The following MICAL2 variants were observed in gnomAD, a reference collection of about 807,000 sequenced individuals.
MICAL2 encodes microtubule associated monooxygenase, calponin and LIM domain containing 2.
MICAL2 carries 77 observed loss-of-function variants against 127.3 expected under a neutral mutation model. The ratio of observed to expected loss-of-function variants is 0.60; its 90% CI spans 0.50 to 0.73. The LOEUF (loss-of-function observed/expected upper bound fraction) is 0.73, where lower values mean the gene tolerates loss of function less well. Ranked by LOEUF, MICAL2 falls within the 30% of genes least tolerant of loss-of-function variation. MICAL2 has a pLI of 0.00. For synonymous variants in MICAL2, 570 were observed against 551.1 expected (o/e 1.03, Z -0.48); for missense variants, 1,351 against 1,434.4 (o/e 0.94, Z 0.94).
chr11:12,265,158 G>A (rs113813390), downstream of MICAL2, among the ~76,000 whole-genome samples: 7 of 152,260 alleles, frequency 4.6e-5, no homozygotes, highest in South Asian at 4.1e-4. Context: ...GTCCTCCCCC[G>A]TCCTGGAGAC....
chr11:12,256,996 C>T (rs763772673), intron 24 of MICAL2, 25 bp downstream of exon 24: 3 of 1,596,646 alleles, frequency 1.9e-6, no homozygotes, highest in Non-Finnish European at 8.5e-7. Context: ...CAGGGCAGCA[C>T]TGGGCTCTGG....
At chr11:12,112,784 A>G (rs1033297979) in intron 1 of MICAL2, among the ~76,000 whole-genome samples, 1 of 152,162 alleles carries the variant, frequency 6.6e-6, no homozygotes, top group Non-Finnish European at 1.5e-5. Flanking sequence ...ATACCAATCC[A>G]TTATACTTTA....
chr11:12,135,972 A>G (rs1441040079), intron 1 of MICAL2, among the ~76,000 whole-genome samples: 1 of 152,114 alleles, frequency 6.6e-6, no homozygotes, highest in Non-Finnish European at 1.5e-5. Context: ...TCTTCATTCA[A>G]CAAATATTTA....
At chr11:12,181,105 G>A (rs1857426535) in intron 3 of MICAL2, among the ~76,000 whole-genome samples, 1 of 151,782 alleles carries the variant, frequency 6.6e-6, no homozygotes, top group South Asian at 2.1e-4. Flanking sequence ...CACCATGCCT[G>A]GATAATTTTT....
chr11:12,165,339 A>C (rs1565076719), intron 3 of MICAL2, among the ~76,000 whole-genome samples: 1 of 151,980 alleles, frequency 6.6e-6, no homozygotes, highest in East Asian at 1.9e-4. Context: ...AACACAGAAC[A>C]GGGGTCCTCA....
intron 3 of MICAL2, among the ~76,000 whole-genome samples, chr11:12,170,284 T>C (rs538972432): frequency 6.6e-6 from 1 of 152,064 alleles, no homozygotes; most frequent in South Asian, 2.1e-4. Context: ...ACCCCGTCTA[T>C]ACAAAAAATA....
chr11:12,212,129 C>G (rs541766877), intron 6 of MICAL2, among the ~76,000 whole-genome samples: 4 of 152,158 alleles, frequency 2.6e-5, no homozygotes, highest in Admixed American at 2.6e-4. Flanking sequence ...TCAGGTGCAT[C>G]AGCCATACAG....
intron 26 of MICAL2, chr11:12,260,875 C>G (rs916419466): frequency 1.9e-5 from 19 of 985,330 alleles, no homozygotes; most frequent in Non-Finnish European, 2.2e-5. Context: ...GACAAAGAAC[C>G]GTGGGGTTTC....
chr11:12,178,782 C>T (rs936840510), intron 3 of MICAL2, among the ~76,000 whole-genome samples: 6 of 151,060 alleles, frequency 4.0e-5, no homozygotes, highest in African/African-American at 1.5e-4. Flanking sequence ...AGTGCAGTGG[C>T]ATGATCACAG....
intron 1 of MICAL2, among the ~76,000 whole-genome samples, chr11:12,114,255 C>T (rs1849823678): frequency 6.6e-6 from 1 of 152,168 alleles, no homozygotes; most frequent in South Asian, 2.1e-4. Flanking sequence ...GTCATTTGGC[C>T]TCTATATAAT....
rs1487684589 is a variant in MICAL2, at chr11:12,175,279, C to T, written c.264+12860C>T. 4.6e-5 allele frequency among the ~76,000 whole-genome samples: 7 copies of T among 152,184 alleles called. 1 individual carries two copies. Among genetic ancestry groups the T allele is most frequent in the Non-Finnish European group, 4.4e-5 (3 of 68,008 alleles). ...TCACCTGAGGTCAGAAGTTCGAGAC[C>T]AGCCTGGCCAACATGGTGAAACCCT... On this transcript the variant is annotated intron_variant, in intron 3 of 27. Transcript: ENST00000683283.
intron 3 of MICAL2, among the ~76,000 whole-genome samples, chr11:12,182,641 G>A (rs532354588): frequency 7.2e-5 from 11 of 152,232 alleles, no homozygotes; most frequent in African/African-American, 2.2e-4. Context: ...GTGATTCTAC[G>A]TTTTTCCTTT....
intron 8 of MICAL2, 120 bp from the exon 9 acceptor site, chr11:12,220,081 A>T (rs115691075): frequency 8.5e-7 from 1 of 1,179,248 alleles, no homozygotes; most frequent in Non-Finnish European, 1.2e-6. Flanking sequence ...TGGTTTTTAT[A>T]TGTCTTTTCT....
chr11:12,202,118 G>GTC (rs559718816), intron 3 of MICAL2, among the ~76,000 whole-genome samples: 1,027 of 33,388 alleles, frequency 0.031, 10 homozygotes, highest in African/African-American at 0.069. Flanking sequence ...GTGAAACTGT[G>GTC]TCTCAAAAAA....
At chr11:12,200,848 G>T (rs1037210959) in intron 3 of MICAL2, among the ~76,000 whole-genome samples, 2 of 152,240 alleles carry the variant, frequency 1.3e-5, no homozygotes, top group Admixed American at 6.5e-5. Flanking sequence ...CTTGTCCAGG[G>T]AGCAGTACTG....
At chr11:12,293,540 A>G (rs370890799), downstream of MICAL2, 3 of 1,556,402 alleles carry the variant, frequency 1.9e-6, no homozygotes, top group African/African-American at 2.8e-5. Context: ...AATAACTGCT[A>G]TTTTTGCCCA....
At chr11:12,240,931 T>G in intron 17 of MICAL2, 109 bp from the exon 18 acceptor site, 1 of 1,426,488 alleles carries the variant, frequency 7.0e-7, no homozygotes, top group South Asian at 1.3e-5. Flanking sequence ...ACTTGCAACC[T>G]TCGTCTCCCT....
chr11:12,294,812 C>CCTA (rs749254157), downstream of MICAL2: 1 of 1,500,436 alleles, frequency 6.7e-7, no homozygotes, highest in Admixed American at 2.1e-5. Context: ...TCCTCCTCCT[C>CCTA]CTCCTCCTCC....
At chr11:12,340,099 A>G (rs1938835468) in intron 32 of MICAL2, among the ~76,000 whole-genome samples, 3 of 152,224 alleles carry the variant, frequency 2.0e-5, no homozygotes, top group Non-Finnish European at 2.9e-5. Context: ...AGTTGGTTGA[A>G]TCTGAGGATG....
Sources: gnomAD v4.1 joint callset for allele counts (sites outside exome capture counted in the v4.1 genomes callset) on GRCh38, gnomAD v4.1.1 for gene constraint, MANE v1.5 for transcripts, NCBI Gene and HGNC (gene_info 2026-07-23, HGNC 2026-07-21) for gene names.